The following ZNF569 variants were observed in gnomAD, a reference collection of about 807,000 sequenced individuals.
ZNF569 encodes the protein zinc finger protein 569.
Under a neutral mutation model 56.3 loss-of-function variants are expected in ZNF569, and 38 were observed. The ratio of observed to expected loss-of-function variants is 0.68; its 90% CI spans 0.52 to 0.88. The LOEUF (loss-of-function observed/expected upper bound fraction) is 0.88. ZNF569 is among the 40% of genes least tolerant of loss of function. The pLI is 0.00. For missense variants in ZNF569, 666 were observed against 809.2 expected (o/e 0.82, Z 2.15); for synonymous variants, 241 against 262.9 (o/e 0.92, Z 0.81).
intron 3 of ZNF569, among the ~76,000 whole-genome samples, chr19:37,438,080 A>T (rs991745356): frequency 3.3e-5 from 5 of 152,174 alleles, no homozygotes; most frequent in African/African-American, 7.2e-5. Flanking sequence ...AACTACAGTA[A>T]CCAAAATAGC....
intron 3 of ZNF569, among the ~76,000 whole-genome samples, chr19:37,443,346 C>CA (rs927275795): frequency 2.0e-5 from 3 of 151,854 alleles, no homozygotes; most frequent in Non-Finnish European, 4.4e-5. Flanking sequence ...CTCCAAAACA[C>CA]AAAAAACAAA....
At chr19:37,444,843 C>T in intron 3 of ZNF569, 64 bp downstream of exon 3, 1 of 1,285,274 alleles carries the variant, frequency 7.8e-7, no homozygotes, top group Non-Finnish European at 1.1e-6. Flanking sequence ...GTATGAATTA[C>T]TGCAATCCCC....
rs371804860 is a variant in ZNF569, at chr19:37,426,253, T to C, written c.141A>G (p.Val47=). 1 of 1,608,152 alleles carries C rather than the reference T, an allele frequency of 6.2e-7. No individual in the cohort carries two copies. Among genetic ancestry groups the C allele is most frequent in the African/African-American group, 1.3e-5 (1 of 74,676 alleles). ...MLENYNNLIT[V]GYPFTKPDVI... is the part of the protein sequence containing the mutation. Reference sequence around the variant, plus strand: ...AATTATATAGTAAATTACTCTTACCTACTGTGATTAAGTTGTTATAGTTTT... The same window carrying C: ...AATTATATAGTAAATTACTCTTACCCACTGTGATTAAGTTGTTATAGTTTT... The change falls in exon 4 of 6, where the codon GTA becomes GTG. Residue 47 remains valine, a splice_region_variant and synonymous_variant. Coordinates refer to ENST00000316950, the MANE Select transcript of ZNF569 (RefSeq NM_152484.3).
chr19:37,465,886 A>G (rs2041823662), intron 1 of ZNF569, among the ~76,000 whole-genome samples: 1 of 152,228 alleles, frequency 6.6e-6, no homozygotes, highest in African/African-American at 2.4e-5. Flanking sequence ...AGAGAACTAA[A>G]TCACCCATCA....
rs1600302135 is a variant in ZNF569 at position 37,425,960 on chromosome 19, T to C, written c.146A>G (p.Tyr49Cys). The C allele has an allele frequency of 1.9e-6, 3 of 1,613,916 alleles. No individual in the cohort carries two copies. In the East Asian group the frequency reaches 6.7e-5, roughly 36 times the overall value. ...ENYNNLITVGYPFTKPDVIFK... is the reference protein window; with the variant it reads ...ENYNNLITVGCPFTKPDVIFK... ...AATCACATCAGGTTTGGTGAACGGA[T>C]AGCCTGTCAAAGGGAAGTTACATAG... The change falls in exon 5 of 6, where the codon TAT (tyrosine) becomes TGT (cysteine). Residue 49 changes from tyrosine to cysteine, a missense_variant. Transcript: ENST00000316950.
rs140698582 is a variant in ZNF569, at chr19:37,415,298, G to T, written c.239-879C>A. Among the ~76,000 whole-genome samples the T allele has an allele frequency of 2.6e-5, 4 of 151,916 alleles. No homozygotes were observed. The East Asian group carries it at 5.8e-4, about 22-fold the overall frequency. ...AAATTAATGAAAAATGTCAAGTAATGACATTTGAAAAAATGAAAAAATCAA... is the reference window on the plus strand; with the variant it reads ...AAATTAATGAAAAATGTCAAGTAATTACATTTGAAAAAATGAAAAAATCAA... On this transcript the variant is annotated intron_variant, in intron 5 of 5. Coordinates refer to ENST00000316950, the MANE Select transcript of ZNF569 (RefSeq NM_152484.3).
At chr19:37,418,021 A>G (rs2040963499) in intron 5 of ZNF569, among the ~76,000 whole-genome samples, 1 of 151,882 alleles carries the variant, frequency 6.6e-6, no homozygotes, top group Non-Finnish European at 1.5e-5. Flanking sequence ...GAATCGCTTG[A>G]ACCTGGGAGG....
chr19:37,468,661 A>C (rs928369729), upstream of ZNF569, among the ~76,000 whole-genome samples: 73 of 152,050 alleles, frequency 4.8e-4, no homozygotes, highest in African/African-American at 1.7e-3. Flanking sequence ...GCGTGCCACC[A>C]CGCCCGGCTA....
At chr19:37,428,793 G>C (rs566266409) in intron 3 of ZNF569, among the ~76,000 whole-genome samples, 5 of 151,560 alleles carry the variant, frequency 3.3e-5, no homozygotes, top group Non-Finnish European at 7.4e-5. Context: ...TCCTGCCTCA[G>C]TCTCCCAAAT....
intron 2 of ZNF569, among the ~76,000 whole-genome samples, chr19:37,450,684 C>T (rs992369301): frequency 6.6e-6 from 1 of 152,022 alleles, no homozygotes; most frequent in African/African-American, 2.4e-5. Flanking sequence ...TTAGTTTGCT[C>T]TTCTGATTCT....
chr19:37,466,232 G>A (rs1394634949), intron 1 of ZNF569, among the ~76,000 whole-genome samples: 2 of 152,166 alleles, frequency 1.3e-5, no homozygotes, highest in Non-Finnish European at 2.9e-5. Context: ...AGGGAAGGAG[G>A]AGAATGAGTT....
At chr19:37,450,138 G>C (rs1377641417) in intron 2 of ZNF569, among the ~76,000 whole-genome samples, 3 of 152,142 alleles carry the variant, frequency 2.0e-5, no homozygotes, top group African/African-American at 7.2e-5. Flanking sequence ...TCTCTGTCTT[G>C]CTTTGGTATC....
At chr19:37,420,302 A>G (rs1286369931) in intron 5 of ZNF569, among the ~76,000 whole-genome samples, 1 of 151,932 alleles carries the variant, frequency 6.6e-6, no homozygotes, top group Non-Finnish European at 1.5e-5. Context: ...TTCTTAAGAT[A>G]ACAATGAAGA....
At chr19:37,440,585 T>TA (rs1048078362) in intron 3 of ZNF569, among the ~76,000 whole-genome samples, 96 of 152,076 alleles carry the variant, frequency 6.3e-4, no homozygotes, top group African/African-American at 2.1e-3. Flanking sequence ...GAATTTCAGG[T>TA]AAAAAAATAA....
intron 2 of ZNF569, among the ~76,000 whole-genome samples, chr19:37,462,032 AT>A (rs904809413): frequency 4.6e-5 from 7 of 151,964 alleles, no homozygotes; most frequent in Non-Finnish European, 8.8e-5. Context: ...AATCTCTGTG[AT>A]TTTTTTTCCC....
intron 2 of ZNF569, among the ~76,000 whole-genome samples, chr19:37,460,866 A>G (rs2041747118): frequency 6.6e-6 from 1 of 152,184 alleles, no homozygotes; most frequent in South Asian, 2.1e-4. Flanking sequence ...AGATTTTCAG[A>G]AATTCTGGGA....
chr19:37,452,883 T>C (rs1385181934), intron 2 of ZNF569, among the ~76,000 whole-genome samples: 1 of 152,224 alleles, frequency 6.6e-6, no homozygotes, highest in African/African-American at 2.4e-5. Context: ...GCCATTACTT[T>C]TAAAATAAGC....
intron 2 of ZNF569, among the ~76,000 whole-genome samples, chr19:37,459,896 C>G (rs10425719): frequency 0.56 from 85,334 of 151,916 alleles, 24,624 homozygotes; most frequent in African/African-American, 0.69. Context: ...ATTTAGATTA[C>G]TTAAAAATAC....
chr19:37,427,889 T>C (rs2041162008), intron 3 of ZNF569: 5 of 468,806 alleles, frequency 1.1e-5, no homozygotes, highest in Admixed American at 4.3e-5. Flanking sequence ...CCTGGTATAA[T>C]AGTTTCACCA....
Sources: allele counts gnomAD v4.1 joint callset (sites outside exome capture counted in the v4.1 genomes callset), GRCh38; gene constraint gnomAD v4.1.1; transcripts MANE v1.5; gene names NCBI Gene and HGNC (gene_info 2026-07-23, HGNC 2026-07-21).